RBFOX1: variants seen among roughly 807,000 people sequenced by gnomAD.
RBFOX1 encodes the protein RNA binding fox-1 homolog 1.
Under a neutral mutation model 57.7 loss-of-function variants are expected in RBFOX1, and 8 were observed. That is an observed-to-expected ratio of 0.14 (90% CI 0.08 to 0.25). The LOEUF (loss-of-function observed/expected upper bound fraction) is 0.25. RBFOX1 is among the 10% of genes least tolerant of loss of function. RBFOX1 has a pLI of 1.00. For missense variants in RBFOX1, 611 were observed against 548.5 expected, an observed-to-expected ratio of 1.11 and a Z score of -1.14; for synonymous variants, 326 against 222.4, an observed-to-expected ratio of 1.47 and a Z score of -4.15.
At chr16:6,969,360 C>T (rs994769459) in intron 3 of RBFOX1, among the ~76,000 whole-genome samples, 3 of 151,942 alleles carry the variant, frequency 2.0e-5, no homozygotes, top group African/African-American at 7.3e-5. Flanking sequence ...GCAGTGATTC[C>T]ATATTTAACT....
At chr16:7,291,497 G>T (rs1338539609) in intron 4 of RBFOX1, among the ~76,000 whole-genome samples, 2 of 152,092 alleles carry the variant, frequency 1.3e-5, no homozygotes, top group Non-Finnish European at 2.9e-5. Flanking sequence ...GATACAATTT[G>T]GGAACCAATT....
chr16:6,579,775 A>G (rs2153970877), intron 2 of RBFOX1, among the ~76,000 whole-genome samples: 1 of 152,134 alleles, frequency 6.6e-6, no homozygotes, highest in East Asian at 1.9e-4. Flanking sequence ...TTGTAGAGAC[A>G]CGGTCTCACT....
chr16:5,418,910 C>T (rs1029612494), intron 1 of RBFOX1, among the ~76,000 whole-genome samples: 3 of 152,110 alleles, frequency 2.0e-5, no homozygotes, highest in Admixed American at 1.3e-4. Context: ...GCAAACAATG[C>T]AGGAAGGGTG....
intron 1 of RBFOX1, among the ~76,000 whole-genome samples, chr16:6,128,086 G>C (rs1024629441): frequency 2.6e-5 from 4 of 152,096 alleles, no homozygotes; most frequent in African/African-American, 9.7e-5. Context: ...AATGTAGCTA[G>C]ATGAAATTGA....
chr16:6,859,184 T>TAC (rs57442083), intron 3 of RBFOX1, among the ~76,000 whole-genome samples: 1,211 of 48,562 alleles, frequency 0.025, 49 homozygotes, highest in African/African-American at 0.06. Flanking sequence ...TGTATATATA[T>TAC]GTATATATAT....
At chr16:5,298,359 T>C (rs1467578649) in intron 1 of RBFOX1, among the ~76,000 whole-genome samples, 1 of 151,834 alleles carries the variant, frequency 6.6e-6, no homozygotes, top group African/African-American at 2.4e-5. Context: ...CTTGGGAGAG[T>C]GTTGGGGTAA....
At chr16:7,265,928 C>T (rs748488677) in intron 4 of RBFOX1, among the ~76,000 whole-genome samples, 4 of 145,910 alleles carry the variant, frequency 2.7e-5, no homozygotes, top group Non-Finnish European at 3.0e-5. Context: ...GCTGTCTTCA[C>T]GACAGTGAGT....
At chr16:7,566,883 T>C (rs1269505492) in intron 5 of RBFOX1, among the ~76,000 whole-genome samples, 1 of 151,864 alleles carries the variant, frequency 6.6e-6, no homozygotes, top group Non-Finnish European at 1.5e-5. Context: ...TGTATGTGTA[T>C]TTTCCCCCCA....
rs980292541 is a variant in RBFOX1, at chr16:5,658,736, A to G, written c.318+59775A>G. Among the ~76,000 whole-genome samples the G allele has an allele frequency of 1.7e-4, 8 of 47,594 alleles. No individual in the cohort carries two copies. In the Admixed American group the frequency reaches 2.5e-3, roughly 15 times the overall value. The allele number at this position is 47,594 out of a possible 152,430, so 31.2% of individuals were successfully genotyped here. On this transcript the variant is annotated intron_variant, in intron 3 of 19. Transcript: ENST00000641259. ...TTCCATCATACATACATACATATAT[A>G]TAAATGTGTATATATATATATATGT...
intron 2 of RBFOX1, among the ~76,000 whole-genome samples, chr16:5,537,417 A>G (rs2044743715): frequency 6.6e-6 from 1 of 152,214 alleles, no homozygotes; most frequent in Admixed American, 6.5e-5. Flanking sequence ...TGCCAACAAA[A>G]AATTTATTAT....
chr16:5,416,846 G>T (rs2067174374), intron 1 of RBFOX1, among the ~76,000 whole-genome samples: 1 of 152,182 alleles, frequency 6.6e-6, no homozygotes. Flanking sequence ...TAAGAGGAGG[G>T]AAGTGTAGCG....
intron 1 of RBFOX1, among the ~76,000 whole-genome samples, chr16:6,258,154 C>A (rs1039114394): frequency 6.6e-6 from 1 of 152,158 alleles, no homozygotes; most frequent in Admixed American, 6.5e-5. Context: ...AAACTCCTTA[C>A]AATTGTCCAT....
At chr16:7,004,448 A>G (rs1203098861) in intron 3 of RBFOX1, among the ~76,000 whole-genome samples, 2 of 152,184 alleles carry the variant, frequency 1.3e-5, no homozygotes, top group Admixed American at 6.5e-5. Context: ...TGGAGTCACC[A>G]TAGCCTGGAT....
intron 3 of RBFOX1, among the ~76,000 whole-genome samples, chr16:7,029,460 A>G (rs932499248): frequency 1.3e-5 from 2 of 151,658 alleles, no homozygotes; most frequent in African/African-American, 2.4e-5. Flanking sequence ...TTCAGTCAGG[A>G]TGGAATAGAG....
chr16:5,852,784 T>C (rs907684499), intron 3 of RBFOX1, among the ~76,000 whole-genome samples: 1 of 152,014 alleles, frequency 6.6e-6, no homozygotes, highest in Non-Finnish European at 1.5e-5. Context: ...GAGTTATGAT[T>C]GTACCACTGC....
intron 4 of RBFOX1, among the ~76,000 whole-genome samples, chr16:7,450,543 G>A (rs907670156): frequency 1.3e-5 from 2 of 152,114 alleles, no homozygotes; most frequent in African/African-American, 4.8e-5. Context: ...TACAGATGAA[G>A]ATACTATGGC....
chr16:7,528,930 T>G (rs2079316222), intron 5 of RBFOX1, among the ~76,000 whole-genome samples: 1 of 152,126 alleles, frequency 6.6e-6, no homozygotes, highest in Admixed American at 6.5e-5. Flanking sequence ...TATCTTCTCG[T>G]TGCACATATT....
chr16:6,483,295 C>G (rs1218583015), intron 2 of RBFOX1: 3 of 1,391,614 alleles, frequency 2.2e-6, no homozygotes, highest in African/African-American at 1.5e-5. Context: ...ACGGGCTGCT[C>G]GCTCTCGCGC....
rs77317946 is a variant in RBFOX1 at position 5,894,136 on chromosome 16, C to G, written c.351+26801C>G. Among the ~76,000 whole-genome samples, 1,170 of 152,234 alleles carry G rather than the reference C, an allele frequency of 7.7e-3. 18 individuals are homozygous for G. The highest frequency in any genetic ancestry group is 0.027 in the African/African-American group (1,106 of 41,532). ...GGGGATGATTTTTTAAACATGCCAC[C>G]AAATTCGAACACAATTCTGGAGCTC... On this transcript the variant is annotated intron_variant, in intron 4 of 19. Coordinates refer to the RBFOX1 transcript ENST00000641259.
Sources: gnomAD v4.1 joint callset for allele counts (sites outside exome capture counted in the v4.1 genomes callset) on GRCh38, gnomAD v4.1.1 for gene constraint, MANE v1.5 for transcripts, NCBI Gene and HGNC (gene_info 2026-07-23, HGNC 2026-07-21) for gene names.